Variants in DENND1B observed in about 807,000 individuals in gnomAD.
DENND1B encodes DENN domain-containing protein 1B.
A neutral mutation model predicts 90.1 loss-of-function variants in DENND1B; 59 were observed. The observed-to-expected ratio is 0.65, with a 90% CI of 0.53 to 0.81. The LOEUF (loss-of-function observed/expected upper bound fraction) is 0.81, where lower values mean the gene tolerates loss of function less well. Ranked by LOEUF, DENND1B falls within the 40% of genes least tolerant of loss-of-function variation. The probability of loss-of-function intolerance (pLI) is 0.00; values close to 1 mark genes in which losing one functional copy is unlikely to be tolerated. For missense variants in DENND1B, 862 were observed against 912.6 expected (o/e 0.94, Z 0.71); for synonymous variants, 337 against 324.6 (o/e 1.04, Z -0.41).
chr1:197,670,556 C>G (rs1366483952), intron 5 of DENND1B, among the ~76,000 whole-genome samples: 1 of 149,274 alleles, frequency 6.7e-6, no homozygotes, highest in East Asian at 2.0e-4. Context: ...ACTTATGAAT[C>G]TAGGTAATGT....
intron 15 of DENND1B, among the ~76,000 whole-genome samples, chr1:197,562,229 C>T (rs183939456): frequency 1.3e-5 from 2 of 151,866 alleles, no homozygotes; most frequent in Admixed American, 6.6e-5. Flanking sequence ...CTCTGATGTA[C>T]CCCACACAAA....
At chr1:197,704,673 C>T (rs762908450) in intron 3 of DENND1B, among the ~76,000 whole-genome samples, 6 of 152,070 alleles carry the variant, frequency 3.9e-5, no homozygotes. Context: ...TAAACCAGTG[C>T]CTACGGGTAC....
intron 20 of DENND1B, among the ~76,000 whole-genome samples, chr1:197,528,858 CAAA>C (rs5779876): frequency 7.4e-6 from 1 of 135,964 alleles, no homozygotes; most frequent in Non-Finnish European, 1.5e-5. Context: ...AGACTCATCT[CAAA>C]AAAAAAAAAA....
chr1:197,716,325 A>G (rs1212460983), intron 2 of DENND1B, among the ~76,000 whole-genome samples: 5 of 151,756 alleles, frequency 3.3e-5, no homozygotes, highest in African/African-American at 1.2e-4. Context: ...AGGACTAAAA[A>G]GTTTCCATAT....
chr1:197,720,797 A>T (rs1661099788), intron 2 of DENND1B, among the ~76,000 whole-genome samples: 1 of 152,236 alleles, frequency 6.6e-6, no homozygotes, highest in Admixed American at 6.5e-5. Flanking sequence ...ACTGTACTAT[A>T]AACCTTAAGA....
At chr1:197,536,179 T>G in intron 20 of DENND1B, among the ~76,000 whole-genome samples, 1 of 138,956 alleles carries the variant, frequency 7.2e-6, no homozygotes, top group South Asian at 2.4e-4. Flanking sequence ...TGAGATGAGA[T>G]GAGATGAGAT....
chr1:197,513,214 T>C (rs746835947), intron 20 of DENND1B, among the ~76,000 whole-genome samples: 6 of 150,992 alleles, frequency 4.0e-5, no homozygotes, highest in African/African-American at 1.2e-4. Context: ...TGAATACATA[T>C]GCACAGTCAC....
chr1:197,580,313 T>C (rs1425658580), intron 15 of DENND1B, among the ~76,000 whole-genome samples: 1 of 148,680 alleles, frequency 6.7e-6, no homozygotes, highest in East Asian at 2.0e-4. Flanking sequence ...TTAGCCAGGA[T>C]GGTCTCGATC....
At chr1:197,654,602 T>TC (rs907461124) in intron 6 of DENND1B, among the ~76,000 whole-genome samples, 7 of 149,582 alleles carry the variant, frequency 4.7e-5, no homozygotes, top group Non-Finnish European at 5.9e-5. Flanking sequence ...AGAGCGTGAC[T>TC]CCGTCTCAAA....
At chr1:197,528,290 C>T (rs1669289522) in intron 20 of DENND1B, among the ~76,000 whole-genome samples, 1 of 152,094 alleles carries the variant, frequency 6.6e-6, no homozygotes, top group African/African-American at 2.4e-5. Flanking sequence ...AGTCCCTGTT[C>T]AATCAAAACA....
chr1:197,546,068 G>A lies in DENND1B; in HGVS notation c.1282-78C>T, dbSNP rs562570223. 2.7e-5 allele frequency: 33 copies of A among 1,225,860 alleles called. No homozygotes were observed. In the South Asian group the frequency reaches 4.1e-4, roughly 15 times the overall value. The allele number at this position is 1,225,860 out of a possible 1,614,324, so 75.9% of individuals were successfully genotyped here. ...TGAAAACAAAGTATTACAGTAAGTT[G>A]CATATTTAAAAAAAGGGCTTTACTC... On this transcript the variant is annotated intron_variant, in intron 17 of 22. Transcript: ENST00000620048.
intron 3 of DENND1B, among the ~76,000 whole-genome samples, chr1:197,688,406 C>T (rs953111403): frequency 6.6e-6 from 1 of 152,084 alleles, no homozygotes; most frequent in African/African-American, 2.4e-5. Flanking sequence ...CTTCATATTT[C>T]CTGATTTCAA....
At chr1:197,611,792 A>T in intron 12 of DENND1B, 139 bp downstream of exon 12, 1 of 649,062 alleles carries the variant, frequency 1.5e-6, no homozygotes, top group Non-Finnish European at 2.6e-6. Flanking sequence ...TTGTCTTTTT[A>T]AAAATGATAA....
At chr1:197,559,965 T>A (rs1033739588) in intron 15 of DENND1B, among the ~76,000 whole-genome samples, 4 of 151,958 alleles carry the variant, frequency 2.6e-5, no homozygotes, top group African/African-American at 7.2e-5. Context: ...AAATAAATTG[T>A]TATTTTTATG....
chr1:197,552,830 C>T lies in DENND1B; in HGVS notation c.1240+192G>A, dbSNP rs1671352694. 6 of 1,337,158 alleles carry T rather than the reference C, an allele frequency of 4.5e-6. No homozygotes were observed. The South Asian group carries it at 1.3e-4, about 28-fold the overall frequency. 82.8% of individuals were successfully genotyped at this position (1,337,158 alleles called of 1,614,324 possible). ...GCCAATTCAGGAGGCCAACTTAATG[C>T]CTTGAGTAACAGGTATCAGGCAAAA... On this transcript the variant is annotated intron_variant, in intron 16 of 22. Coordinates refer to ENST00000620048, the MANE Select transcript of DENND1B (RefSeq NM_001195215.2).
At chr1:197,628,134 A>C (rs1381944550) in intron 10 of DENND1B, among the ~76,000 whole-genome samples, 16 of 152,206 alleles carry the variant, frequency 1.1e-4, no homozygotes, top group African/African-American at 1.7e-4. Flanking sequence ...CCATCCCCAT[A>C]AAGCTACCAA....
chr1:197,666,182 T>C (rs950756939), intron 5 of DENND1B, among the ~76,000 whole-genome samples: 1 of 152,160 alleles, frequency 6.6e-6, no homozygotes, highest in African/African-American at 2.4e-5. Flanking sequence ...ACAACAGCAA[T>C]GAACAATTGT....
chr1:197,617,781 C>G, intron 10 of DENND1B, 22 bp from the exon 11 acceptor site: 2 of 1,558,218 alleles, frequency 1.3e-6, no homozygotes, highest in Non-Finnish European at 1.8e-6. Flanking sequence ...AAAAGGATAA[C>G]AAAAATAAGT....
At chr1:197,713,691 A>C (rs1301454415) in intron 3 of DENND1B, among the ~76,000 whole-genome samples, 1 of 93,364 alleles carries the variant, frequency 1.1e-5, no homozygotes, top group Non-Finnish European at 2.0e-5. Context: ...ATATGTAACT[A>C]ACCTGCACAA....
Sources: gnomAD v4.1 joint callset for allele counts (sites outside exome capture counted in the v4.1 genomes callset) on GRCh38, gnomAD v4.1.1 for gene constraint, MANE v1.5 for transcripts, NCBI Gene and HGNC (gene_info 2026-07-23, HGNC 2026-07-21) for gene names.